The following CDH23 variants were observed in gnomAD, a reference collection of about 807,000 sequenced individuals.
CDH23 encodes the protein cadherin related 23, also known as cadherin-23.
A neutral mutation model predicts 317.1 loss-of-function variants in CDH23; 189 were observed. That is an observed-to-expected ratio of 0.60 (90% CI 0.53 to 0.67). The LOEUF is 0.67. CDH23 is among the 30% of genes least tolerant of loss of function. The pLI is 0.00. For synonymous variants in CDH23, 1,839 were observed against 1,876.8 expected, an observed-to-expected ratio of 0.98 and a Z score of 0.52; for missense variants, 4,401 against 4,592.4, an observed-to-expected ratio of 0.96 and a Z score of 1.20.
rs1343296540 is a variant in CDH23 at position 71,732,239 on chromosome 10, T to TG, written c.3970dup (p.Glu1324GlyfsTer8). 6.2e-7 allele frequency: 1 copy of TG among 1,613,780 alleles called. No homozygotes were observed. The highest frequency in any genetic ancestry group is 1.7e-5 in the Admixed American group (1 of 59,986). On this transcript the variant is annotated frameshift_variant, in exon 32 of 70. Coordinates refer to ENST00000224721, the MANE Select transcript of CDH23 (RefSeq NM_022124.6). LOFTEE classifies it high-confidence loss of function. ...AATGCCTCATACGAGGCTGCCATCCTGGAGAATCTGGCACTGGGTACTGAG... is the reference window on the plus strand; with the variant it reads ...AATGCCTCATACGAGGCTGCCATCCTGGGAGAATCTGGCACTGGGTACTGAG...
chr10:71,465,760 A>G (rs1851220881), intron 3 of CDH23, among the ~76,000 whole-genome samples: 1 of 152,230 alleles, frequency 6.6e-6, no homozygotes. Flanking sequence ...CCTGTCAGGT[A>G]GCCGCGCTGA....
At chr10:71,692,846 G>A (rs1221132797) in intron 20 of CDH23, among the ~76,000 whole-genome samples, 5 of 152,186 alleles carry the variant, frequency 3.3e-5, no homozygotes, top group African/African-American at 7.2e-5. Flanking sequence ...TAGCACACAG[G>A]CCCTGCCCGT....
At chr10:71,550,298 T>C (rs561207529) in intron 6 of CDH23, among the ~76,000 whole-genome samples, 78 of 152,230 alleles carry the variant, frequency 5.1e-4, no homozygotes, top group African/African-American at 1.3e-3. Flanking sequence ...GACTGACTAT[T>C]CCAGTGACTT....
chr10:71,712,847 G>A (rs1313596627), intron 28 of CDH23, 34 bp downstream of exon 28: 2 of 1,599,880 alleles, frequency 1.3e-6, no homozygotes, highest in Non-Finnish European at 1.7e-6. Context: ...GCAGGTGGTG[G>A]GCTGGGGGAG....
chr10:71,431,601 G>A (rs1849375285), intron 1 of CDH23, among the ~76,000 whole-genome samples: 1 of 152,234 alleles, frequency 6.6e-6, no homozygotes, highest in South Asian at 2.1e-4. Context: ...GCGCATTTCT[G>A]TATTTCTATT....
chr10:71,448,104 A>T (rs1473880218), intron 3 of CDH23, among the ~76,000 whole-genome samples: 5 of 152,174 alleles, frequency 3.3e-5, no homozygotes, highest in Non-Finnish European at 4.4e-5. Flanking sequence ...GGCCCCTCTC[A>T]AGTGAGTGGT....
At chr10:71,471,634 C>A (rs1851517939) in intron 3 of CDH23, among the ~76,000 whole-genome samples, 1 of 152,190 alleles carries the variant, frequency 6.6e-6, no homozygotes, top group African/African-American at 2.4e-5. Context: ...CAGCGCCACC[C>A]CCATTGACGT....
chr10:71,451,968 G>A (rs568888723), intron 3 of CDH23, among the ~76,000 whole-genome samples: 27 of 152,352 alleles, frequency 1.8e-4, no homozygotes, highest in African/African-American at 6.5e-4. Context: ...CGGGAGCGAG[G>A]TGTTGGTGGC....
At chr10:71,773,274 A>G in intron 38 of CDH23, 1 of 1,443,092 alleles carries the variant, frequency 6.9e-7, no homozygotes. Flanking sequence ...GAGGGCCCCC[A>G]GGACGCCCCC....
chr10:71,410,418 A>G (rs1848296971), intron 1 of CDH23, among the ~76,000 whole-genome samples: 1 of 152,138 alleles, frequency 6.6e-6, no homozygotes, highest in Non-Finnish European at 1.5e-5. Context: ...GCTTTGCTCT[A>G]TGCCCACCAG....
At chr10:71,790,506 A>T in intron 46 of CDH23, 93 bp downstream of exon 46, 1 of 1,493,844 alleles carries the variant, frequency 6.7e-7, no homozygotes, top group Non-Finnish European at 9.0e-7. Context: ...TCAGTGCTGG[A>T]CCCAGGCTGT....
intron 3 of CDH23, among the ~76,000 whole-genome samples, chr10:71,498,279 GCTT>G (rs1194896656): frequency 4.6e-5 from 7 of 152,136 alleles, no homozygotes; most frequent in African/African-American, 1.7e-4. Flanking sequence ...TGCTCCCAAA[GCTT>G]CTCCTGTGCC....
intron 24 of CDH23, among the ~76,000 whole-genome samples, chr10:71,704,160 A>G (rs1865692854): frequency 6.6e-6 from 1 of 152,250 alleles, no homozygotes; most frequent in Admixed American, 6.5e-5. Flanking sequence ...CTGGATGTGA[A>G]ATAGATCAGA....
intron 11 of CDH23, among the ~76,000 whole-genome samples, chr10:71,637,970 G>T (rs1449415936): frequency 6.6e-6 from 1 of 152,032 alleles, no homozygotes; most frequent in African/African-American, 2.4e-5. Flanking sequence ...GCACATTGTA[G>T]TTTACAGGGT....
intron 30 of CDH23, among the ~76,000 whole-genome samples, chr10:71,729,799 C>A (rs1336487045): frequency 1.3e-5 from 2 of 151,976 alleles, no homozygotes; most frequent in African/African-American, 4.8e-5. Flanking sequence ...TCATAACAAC[C>A]TTAGGAGTGG....
intron 6 of CDH23, among the ~76,000 whole-genome samples, chr10:71,534,587 C>G (rs527562184): frequency 2.6e-5 from 4 of 152,336 alleles, no homozygotes; most frequent in Middle Eastern, 3.4e-3. Context: ...GCAGACCCAT[C>G]TGCATTTTCC....
In CDH23 at chr10:71,657,920, T is replaced by TACAC. The variant is rs34295420; in HGVS notation, c.1449+11315_1449+11318dup. 8.1e-3 allele frequency among the ~76,000 whole-genome samples: 1,230 copies of TACAC among 151,442 alleles called. 14 individuals carry two copies. Among genetic ancestry groups the TACAC allele is most frequent in the African/African-American group, 0.028 (1,151 of 41,336 alleles). On this transcript the variant is annotated intron_variant, in intron 14 of 69. Coordinates refer to ENST00000224721, the MANE Select transcript of CDH23 (RefSeq NM_022124.6). The stretch of plus-strand genomic sequence containing the variant: ...GGGAGGCTAAATAGAGAGGGACACA[T>TACAC]ACACACACACACACAGACACACAGA...
At chr10:71,483,434 T>C (rs1852176556) in intron 3 of CDH23, among the ~76,000 whole-genome samples, 1 of 152,190 alleles carries the variant, frequency 6.6e-6, no homozygotes, top group Non-Finnish European at 1.5e-5. Context: ...TTCTGGTGAT[T>C]CCCAGCTGGG....
chr10:71,805,292 C>T (rs1009433018), intron 55 of CDH23, among the ~76,000 whole-genome samples: 1 of 152,186 alleles, frequency 6.6e-6, no homozygotes, highest in African/African-American at 2.4e-5. Flanking sequence ...ACCCTGATGG[C>T]CAACCCCTAT....
Sources: allele counts gnomAD v4.1 joint callset (sites outside exome capture counted in the v4.1 genomes callset), GRCh38; gene constraint gnomAD v4.1.1; transcripts MANE v1.5; gene names NCBI Gene and HGNC (gene_info 2026-07-23, HGNC 2026-07-21).